CPXM2: variants seen among roughly 807,000 people sequenced by gnomAD.
The protein encoded by CPXM2 is inactive carboxypeptidase-like protein X2.
A neutral mutation model predicts 86.1 loss-of-function variants in CPXM2; 66 were observed. That is an observed-to-expected ratio of 0.77 (90% confidence interval 0.63 to 0.94). The LOEUF (loss-of-function observed/expected upper bound fraction) is 0.94, where lower values mean the gene tolerates loss of function less well. CPXM2 is among the 40% of genes least tolerant of loss of function. CPXM2 has a pLI of 0.00. For synonymous variants in CPXM2, 388 were observed against 400.2 expected (o/e 0.97, Z 0.36); for missense variants, 948 against 1,026.3 (o/e 0.92, Z 1.04).
intron 4 of CPXM2, among the ~76,000 whole-genome samples, chr10:123,833,145 T>A (rs1043659972): frequency 6.6e-6 from 1 of 152,210 alleles, no homozygotes; most frequent in Non-Finnish European, 1.5e-5. Flanking sequence ...ATGAACAGAC[T>A]AAGACAGAAG....
intron 2 of CPXM2, among the ~76,000 whole-genome samples, chr10:123,906,015 C>G (rs1401727305): frequency 1.3e-5 from 2 of 152,182 alleles, no homozygotes; most frequent in Admixed American, 6.5e-5. Flanking sequence ...CCAGTGACGC[C>G]CAGGTACTGA....
chr10:123,784,522 C>T (rs1229250744), intron 6 of CPXM2, among the ~76,000 whole-genome samples: 2 of 152,224 alleles, frequency 1.3e-5, no homozygotes, highest in Non-Finnish European at 2.9e-5. Flanking sequence ...CAGATGGCCG[C>T]TGCCCCATAG....
At chr10:123,861,902 C>T (rs1281343137) in intron 3 of CPXM2, among the ~76,000 whole-genome samples, 1 of 152,208 alleles carries the variant, frequency 6.6e-6, no homozygotes, top group Non-Finnish European at 1.5e-5. Flanking sequence ...AGATGGGATT[C>T]ATGTGAGTGG....
chr10:123,879,147 G>A (rs896251468), intron 2 of CPXM2, among the ~76,000 whole-genome samples: 1 of 152,210 alleles, frequency 6.6e-6, no homozygotes, highest in African/African-American at 2.4e-5. Context: ...ACTTGAGGAT[G>A]CACTATTAGT....
At chr10:123,752,347 T>G (rs1353365655) in intron 13 of CPXM2, 2 of 984,890 alleles carry the variant, frequency 2.0e-6, no homozygotes, top group Admixed American at 6.1e-5. Flanking sequence ...ATAAGATCAG[T>G]GACAAATGGT....
chr10:123,790,994 C>T (rs1212055404), intron 6 of CPXM2, among the ~76,000 whole-genome samples: 1 of 152,078 alleles, frequency 6.6e-6, no homozygotes, highest in Admixed American at 6.6e-5. Flanking sequence ...ATGGAAGGTA[C>T]GGTGGGAGAC....
intron 2 of CPXM2, among the ~76,000 whole-genome samples, chr10:123,918,974 C>T (rs113581772): frequency 3.2e-3 from 485 of 152,210 alleles, no homozygotes; most frequent in Non-Finnish European, 5.5e-3. Flanking sequence ...GGAAAGGGGG[C>T]CACTGGGAGC....
At chr10:123,759,500 C>A (rs781712004) in intron 11 of CPXM2, among the ~76,000 whole-genome samples, 1 of 152,204 alleles carries the variant, frequency 6.6e-6, no homozygotes, top group African/African-American at 2.4e-5. Flanking sequence ...TGCTGCCTGC[C>A]AGCCTTCCAG....
At chr10:123,939,493 G>A (rs1049652437) in exon 2 of CPXM2, 6 of 152,168 alleles carry the variant, frequency 3.9e-5, no homozygotes, top group African/African-American at 1.4e-4. Flanking sequence ...CGTGGCCTTG[G>A]GCAAGTTGTT....
chr10:123,857,591 CGTGG>C, intron 3 of CPXM2, among the ~76,000 whole-genome samples: 3 of 137,480 alleles, frequency 2.2e-5, no homozygotes, highest in African/African-American at 5.2e-5. Flanking sequence ...TGGAAGGCGG[CGTGG>C]AGATGGAAGG....
At chr10:123,879,504 G>C (rs7903274) in intron 2 of CPXM2, among the ~76,000 whole-genome samples, 3 of 152,076 alleles carry the variant, frequency 2.0e-5, no homozygotes, top group South Asian at 4.2e-4. Context: ...CCATAGTCAG[G>C]GGGGCACTAG....
At chr10:123,903,961 G>A (rs943795320) in intron 2 of CPXM2, among the ~76,000 whole-genome samples, 51 of 152,210 alleles carry the variant, frequency 3.4e-4, no homozygotes, top group African/African-American at 1.2e-3. Flanking sequence ...CCCCCACACG[G>A]CCCCAGCTGT....
chr10:123,905,985 T>G (rs1945435633), intron 2 of CPXM2, among the ~76,000 whole-genome samples: 1 of 152,162 alleles, frequency 6.6e-6, no homozygotes, highest in South Asian at 2.1e-4. Flanking sequence ...CTCCCGACGG[T>G]CTGTCCACTC....
At chr10:123,791,888 C>T (rs1048069845) in intron 6 of CPXM2, among the ~76,000 whole-genome samples, 2 of 152,230 alleles carry the variant, frequency 1.3e-5, no homozygotes, top group Non-Finnish European at 2.9e-5. Context: ...AGAGGCCATC[C>T]TTCCGAACTG....
intron 3 of CPXM2, among the ~76,000 whole-genome samples, chr10:123,861,637 A>C (rs992041952): frequency 2.6e-5 from 4 of 152,056 alleles, no homozygotes; most frequent in African/African-American, 9.7e-5. Context: ...AGAACCAGAC[A>C]GGCAGTCACA....
chr10:123,813,483 C>A (rs1173793051), intron 4 of CPXM2, among the ~76,000 whole-genome samples: 3 of 152,194 alleles, frequency 2.0e-5, no homozygotes, highest in African/African-American at 4.8e-5. Context: ...CAATTGCCAA[C>A]CTTTAGGGGT....
intron 2 of CPXM2, among the ~76,000 whole-genome samples, chr10:123,869,014 C>T (rs915626178): frequency 6.6e-6 from 1 of 152,050 alleles, no homozygotes; most frequent in Non-Finnish European, 1.5e-5. Flanking sequence ...AAAACATTAC[C>T]AAGAAAGACG....
At chr10:123,883,001 A>G (rs1260017062) in intron 1 of CPXM2, among the ~76,000 whole-genome samples, 1 of 151,648 alleles carries the variant, frequency 6.6e-6, no homozygotes, top group Non-Finnish European at 1.5e-5. Context: ...GACAGCCTGG[A>G]CTGCCCGCAA....
At chr10:123,884,455 G>GA (rs1945147862) in intron 1 of CPXM2, among the ~76,000 whole-genome samples, 1 of 152,298 alleles carries the variant, frequency 6.6e-6, no homozygotes, top group Admixed American at 6.5e-5. Context: ...ACACAGGGAG[G>GA]AATCACCTGC....
Sources: allele counts gnomAD v4.1 joint callset (sites outside exome capture counted in the v4.1 genomes callset), GRCh38; gene constraint gnomAD v4.1.1; transcripts MANE v1.5; gene names NCBI Gene and HGNC (gene_info 2026-07-23, HGNC 2026-07-21).